Variants in NUFIP2 observed in about 807,000 individuals in gnomAD.
The protein encoded by NUFIP2 is FMR1-interacting protein NUFIP2.
NUFIP2 carries 6 observed loss-of-function variants against 56.9 expected under a neutral mutation model. That is an observed-to-expected ratio of 0.11 (90% CI 0.06 to 0.21). The LOEUF is 0.21. Ranked by LOEUF, NUFIP2 falls within the 10% of genes least tolerant of loss-of-function variation. The pLI is 1.00. For synonymous variants in NUFIP2, 321 were observed against 298.2 expected (o/e 1.08, Z -0.79); for missense variants, 828 against 826.8 (o/e 1.00, Z -0.02).
chr17:29,271,349 C>A (rs1469386639), intron 2 of NUFIP2, among the ~76,000 whole-genome samples: 1 of 151,832 alleles, frequency 6.6e-6, no homozygotes, highest in Non-Finnish European at 1.5e-5. Flanking sequence ...CCAGCCTGGC[C>A]AACATGGTGA....
chr17:29,287,814 T>C (rs2069187539), intron 1 of NUFIP2, 98 bp from the exon 2 acceptor site: 1 of 1,154,494 alleles, frequency 8.7e-7, no homozygotes, highest in South Asian at 1.7e-5. Context: ...TGCTAGACAC[T>C]ATGCTATGAG....
rs776584342 is a variant in NUFIP2 at position 29,262,078 on chromosome 17, TA to T, written c.*2460del. On this transcript the variant is annotated 3_prime_UTR_variant, in exon 4 of 4. Coordinates refer to ENST00000225388, the MANE Select transcript of NUFIP2 (RefSeq NM_020772.3). ...GTTTAATCAAGTGTTGCTTCTAAGT[TA>T]AAAAGCCCAATTCAGGTGGGGTCTG... is the stretch of plus-strand genomic sequence containing the variant. 1.3e-5 allele frequency: 2 copies of T among 152,312 alleles called. No homozygotes were observed. Among genetic ancestry groups the T allele is most frequent in the Non-Finnish European group, 2.9e-5 (2 of 68,020 alleles). 9.4% of individuals were successfully genotyped at this position (152,312 alleles called of 1,614,324 possible).
intron 2 of NUFIP2, among the ~76,000 whole-genome samples, chr17:29,275,188 T>C (rs2069100180): frequency 6.6e-6 from 1 of 152,070 alleles, no homozygotes; most frequent in Admixed American, 6.6e-5. Context: ...ACCCGGCTAA[T>C]TTTTTGTATT....
chr17:29,291,917 T>C (rs559162681), intron 1 of NUFIP2, among the ~76,000 whole-genome samples: 1 of 150,972 alleles, frequency 6.6e-6, no homozygotes, highest in South Asian at 2.1e-4. Flanking sequence ...GTCTTCAAGT[T>C]ACAATCTGCA....
chr17:29,264,481 C>G lies in NUFIP2; in HGVS notation c.*58G>C. 1 of 1,163,732 alleles carries G rather than the reference C, an allele frequency of 8.6e-7. No homozygotes were observed. The highest frequency in any genetic ancestry group is 1.3e-5 in the South Asian group (1 of 75,606). The allele number at this position is 1,163,732 out of a possible 1,614,324, so 72.1% of individuals were successfully genotyped here. A position where few individuals can be genotyped will look rare whatever the true frequency, so the allele number is the denominator to read the frequency against. ...ATCTAGGAGCATAAAAGCCTTGTGT[C>G]CCCCATGAACGATGGCTCTAATGCT... On this transcript the variant is annotated 3_prime_UTR_variant, in exon 4 of 4. Coordinates refer to ENST00000225388, the MANE Select transcript of NUFIP2 (RefSeq NM_020772.3).
intron 1 of NUFIP2, among the ~76,000 whole-genome samples, chr17:29,287,952 C>G (rs1310263232): frequency 6.6e-6 from 1 of 152,228 alleles, no homozygotes; most frequent in Non-Finnish European, 1.5e-5. Context: ...AAACCAAAGT[C>G]TGAGGCCAGA....
chr17:29,272,546 TTG>T lies in NUFIP2; in HGVS notation c.2003-5018_2003-5017del, dbSNP rs148961614. 7.6e-3 allele frequency among the ~76,000 whole-genome samples: 1,161 copies of T among 152,232 alleles called. 13 individuals carry two copies. The highest frequency in any genetic ancestry group is 0.026 in the African/African-American group (1,077 of 41,532). ...TGAGCCGCTGCACCTGGCCCCTCGTTTGTGTGATTTAATGTTTTGACTATCCC... is the reference window on the plus strand; with the variant it reads ...TGAGCCGCTGCACCTGGCCCCTCGTTTGTGATTTAATGTTTTGACTATCCC... On this transcript the variant is annotated intron_variant, in intron 2 of 3. Transcript: ENST00000225388.
chr17:29,268,570 C>T lies in NUFIP2; in HGVS notation c.2003-1040G>A, dbSNP rs528529275. 7.9e-5 allele frequency among the ~76,000 whole-genome samples: 12 copies of T among 152,044 alleles called. No individual in the cohort carries two copies. In the East Asian group the frequency reaches 9.7e-4, roughly 12 times the overall value. Reference sequence around the variant, plus strand: ...TTCACTCTTGTTGCCCAGGCTGGAGCGCAATGGCACGATCTCGGCTCACCG... The same window carrying T: ...TTCACTCTTGTTGCCCAGGCTGGAGTGCAATGGCACGATCTCGGCTCACCG... On this transcript the variant is annotated intron_variant, in intron 2 of 3. Transcript: ENST00000225388.
chr17:29,292,889 G>GGC (rs2069226009), intron 1 of NUFIP2, among the ~76,000 whole-genome samples: 1 of 146,174 alleles, frequency 6.8e-6, no homozygotes, highest in African/African-American at 2.5e-5. Flanking sequence ...GACGGGGGGG[G>GGC]GGGCGGCCGC....
chr17:29,285,531 C>A (rs1331490170), intron 2 of NUFIP2, among the ~76,000 whole-genome samples: 1 of 52,736 alleles, frequency 1.9e-5, no homozygotes, highest in East Asian at 9.3e-4. Flanking sequence ...GTGGAGGTTG[C>A]AGTGGGCCGG....
intron 2 of NUFIP2, among the ~76,000 whole-genome samples, chr17:29,269,504 ATT>A (rs545018097): frequency 5.6e-5 from 8 of 143,858 alleles, no homozygotes; most frequent in Admixed American, 1.4e-4. Flanking sequence ...TAAAAACCAA[ATT>A]TTTTTTTTTT....
intron 2 of NUFIP2, among the ~76,000 whole-genome samples, chr17:29,280,836 A>G (rs1040232217): frequency 6.6e-6 from 1 of 151,794 alleles, no homozygotes; most frequent in Non-Finnish European, 1.5e-5. Context: ...AAATACAAAA[A>G]AATTAGCCGG....
chr17:29,267,586 G>A lies in NUFIP2; in HGVS notation c.2003-56C>T, dbSNP rs186857512. On this transcript the variant is annotated intron_variant, in intron 2 of 3. Coordinates refer to ENST00000225388, the MANE Select transcript of NUFIP2 (RefSeq NM_020772.3). ...AGTTTTGGTGAGCAAAGTCTGAAGCGATGCTTTTCATTTTAAATCTAAAAA... is the reference window on the plus strand; with the variant it reads ...AGTTTTGGTGAGCAAAGTCTGAAGCAATGCTTTTCATTTTAAATCTAAAAA... 587 of 1,078,710 alleles carry A rather than the reference G, an allele frequency of 5.4e-4. 3 individuals carry two copies. In the African/African-American group the frequency reaches 7.5e-3, roughly 14 times the overall value. The allele number at this position is 1,078,710 out of a possible 1,614,324, so 66.8% of individuals were successfully genotyped here.
intron 2 of NUFIP2, among the ~76,000 whole-genome samples, chr17:29,276,029 AATATAT>A (rs71135888): frequency 5.1e-5 from 7 of 138,138 alleles, no homozygotes; most frequent in African/African-American, 1.4e-4. Flanking sequence ...CTCCGTCTCA[AATATAT>A]ATATATATAT....
rs190965859 is a variant in NUFIP2, at chr17:29,276,060, C to A, written c.2003-8530G>T. ...TATATATATATATATCTGAAAGTGACCACATTGCTCAAAACTTTTCAATGG... is the reference window on the plus strand; with the variant it reads ...TATATATATATATATCTGAAAGTGAACACATTGCTCAAAACTTTTCAATGG... On this transcript the variant is annotated intron_variant, in intron 2 of 3. Coordinates refer to ENST00000225388, the MANE Select transcript of NUFIP2 (RefSeq NM_020772.3). Among the ~76,000 whole-genome samples, 40 of 138,182 alleles carry A rather than the reference C, an allele frequency of 2.9e-4. 2 individuals carry two copies. Among genetic ancestry groups the A allele is most frequent in the African/African-American group, 8.8e-4 (31 of 35,378 alleles). The allele number at this position is 138,182 out of a possible 152,430, so 90.7% of individuals were successfully genotyped here. A position where few individuals can be genotyped will look rare whatever the true frequency, so the allele number is the denominator to read the frequency against.
intron 2 of NUFIP2, among the ~76,000 whole-genome samples, chr17:29,280,507 A>G (rs749346228): frequency 4.0e-5 from 6 of 151,882 alleles, no homozygotes; most frequent in Non-Finnish European, 7.4e-5. Flanking sequence ...CAGAAGGATC[A>G]CTTGAGGGCA....
Position 29,258,679 on chromosome 17 carries a change from A to T in NUFIP2, c.*5860T>A. 1 of 152,338 alleles carries T rather than the reference A, an allele frequency of 6.6e-6. No individual in the cohort carries two copies. Among genetic ancestry groups the T allele is most frequent in the East Asian group, 1.9e-4 (1 of 5,190 alleles). The allele number at this position is 152,338 out of a possible 1,614,324, so 9.4% of individuals were successfully genotyped here. ...CTAAGTTATTGTCCTTCATAGGACA[A>T]TATCAGCTAAGAATTAGTTACTTGT... On this transcript the variant is annotated 3_prime_UTR_variant, in exon 4 of 4. Transcript: ENST00000225388.
In NUFIP2 at chr17:29,286,626, G is replaced by A; in HGVS notation, c.1368C>T (p.Asp456=). The A allele has an allele frequency of 1.9e-6, 3 of 1,614,190 alleles. No homozygotes were observed. Among genetic ancestry groups the A allele is most frequent in the Non-Finnish European group, 2.5e-6 (3 of 1,180,028 alleles). Residue 456 remains aspartate, a synonymous_variant, in exon 2 of 4, where the codon GAC becomes GAT. Coordinates refer to ENST00000225388, the MANE Select transcript of NUFIP2 (RefSeq NM_020772.3). The part of the protein sequence containing the change: ...ISSGTDSVLQ[D]MSLTSAAVEQ... ...CAACAGCTGCTGAAGTTAGACTCAT[G>A]TCCTGGAGAACTGAATCTGTCCCAG... is the stretch of plus-strand genomic sequence containing the variant.
At chr17:29,278,258 T>A (rs879388928) in intron 2 of NUFIP2, among the ~76,000 whole-genome samples, 4 of 151,938 alleles carry the variant, frequency 2.6e-5, no homozygotes, top group South Asian at 2.1e-4. Flanking sequence ...TATTATTATT[T>A]TTTTTTGAGA....
Sources: gnomAD v4.1 joint callset for allele counts (sites outside exome capture counted in the v4.1 genomes callset) on GRCh38, gnomAD v4.1.1 for gene constraint, MANE v1.5 for transcripts, NCBI Gene and HGNC (gene_info 2026-07-23, HGNC 2026-07-21) for gene names.